DHX35: variants seen among roughly 807,000 people sequenced by gnomAD.
DHX35 encodes the protein probable ATP-dependent RNA helicase DHX35.
DHX35 carries 84 observed loss-of-function variants against 99.6 expected under a neutral mutation model. That is an observed-to-expected ratio of 0.84 (90% CI 0.71 to 1.01). The LOEUF (loss-of-function observed/expected upper bound fraction) is 1.01. Ranked by LOEUF, DHX35 falls within the 50% of genes least tolerant of loss-of-function variation. The probability of loss-of-function intolerance (pLI) is 0.00; values close to 1 mark genes in which losing one functional copy is unlikely to be tolerated. For synonymous variants in DHX35, 331 were observed against 316.2 expected (o/e 1.05, Z -0.50); for missense variants, 852 against 888.5 (o/e 0.96, Z 0.52).
intron 2 of DHX35, among the ~76,000 whole-genome samples, chr20:38,970,037 T>G (rs572450286): frequency 6.6e-6 from 1 of 152,334 alleles, no homozygotes; most frequent in African/African-American, 2.4e-5. Flanking sequence ...TTCTTTCTCC[T>G]GGACGGTGCT....
At chr20:38,972,985 G>A (rs1394696345) in intron 3 of DHX35, among the ~76,000 whole-genome samples, 1 of 152,182 alleles carries the variant, frequency 6.6e-6, no homozygotes, top group Non-Finnish European at 1.5e-5. Context: ...GAATTTTGCT[G>A]TAGTTGTAAA....
intron 12 of DHX35, among the ~76,000 whole-genome samples, chr20:39,006,581 G>T (rs2086622724): frequency 6.6e-6 from 1 of 152,182 alleles, no homozygotes; most frequent in African/African-American, 2.4e-5. Flanking sequence ...CTGCTTATTT[G>T]CTATCCTGTT....
intron 17 of DHX35, among the ~76,000 whole-genome samples, chr20:39,024,314 T>C (rs748418503): frequency 1.2e-4 from 19 of 152,212 alleles, no homozygotes; most frequent in Admixed American, 6.5e-5. Flanking sequence ...CATGAAAAAT[T>C]GTTAATAAAG....
chr20:39,027,335 ATACT>A (rs1409612444), intron 18 of DHX35, among the ~76,000 whole-genome samples: 1 of 152,248 alleles, frequency 6.6e-6, no homozygotes, highest in Non-Finnish European at 1.5e-5. Flanking sequence ...TTAGTGAAAG[ATACT>A]TTCAGCAGTC....
In DHX35 at chr20:39,028,473, G is replaced by A. The variant is rs147737598; in HGVS notation, c.1857G>A (p.Ala619=). Residue 619 remains alanine, a synonymous_variant, in exon 19 of 22, where the codon GCG becomes GCA. Coordinates refer to ENST00000252011, the MANE Select transcript of DHX35 (RefSeq NM_021931.4). ...TCTCCGGCTTCTTCGCCAATGCAGC[G>A]AGGTTTCATTCTACTGGAGCTTATA... The part of the protein sequence containing the change: ...CIVSGFFANA[A]RFHSTGAYRT... 3.5e-5 allele frequency: 57 copies of A among 1,614,108 alleles called. No homozygotes were observed. In the African/African-American group the frequency reaches 6.4e-4, roughly 18 times the overall value.
intron 8 of DHX35, among the ~76,000 whole-genome samples, chr20:39,001,463 T>C (rs1226527248): frequency 2.0e-5 from 3 of 152,242 alleles, no homozygotes; most frequent in Non-Finnish European, 2.9e-5. Context: ...ACTCAGATGC[T>C]ATGCTGAATG....
At position 39,028,444 on chromosome 20, in the gene DHX35, A is replaced by G. The variant is rs141706558; in HGVS notation, c.1828A>G (p.Ile610Val). ...TGACCCGGATCTGGTTCTGAGGTGC[A>G]TTGTCTCCGGCTTCTTCGCCAATGC... ...EGDPDLVLRC[I>V]VSGFFANAAR... The change falls in exon 19 of 22, where the codon ATT becomes GTT. Residue 610 changes from isoleucine to valine, a missense_variant. Transcript: ENST00000252011. 672 of 1,614,040 alleles carry G rather than the reference A, an allele frequency of 4.2e-4. No individual in the cohort carries two copies. Among genetic ancestry groups the G allele is most frequent in the Non-Finnish European group, 5.3e-4 (629 of 1,180,032 alleles).
chr20:38,994,915 A>G (rs780507793), intron 8 of DHX35, 35 bp downstream of exon 8: 11 of 1,597,730 alleles, frequency 6.9e-6, no homozygotes, highest in Non-Finnish European at 8.6e-6. Flanking sequence ...TCCTCTCCTC[A>G]CAAACACTTT....
intron 3 of DHX35, among the ~76,000 whole-genome samples, chr20:38,980,123 GC>G (rs1333183144): frequency 1.3e-5 from 2 of 152,020 alleles, no homozygotes; most frequent in Non-Finnish European, 2.9e-5. Context: ...TCATAAGCAT[GC>G]CATAGAAGTC....
At chr20:38,988,505 C>T (rs544427339) in intron 4 of DHX35, among the ~76,000 whole-genome samples, 1 of 152,262 alleles carries the variant, frequency 6.6e-6, no homozygotes, top group East Asian at 1.9e-4. Flanking sequence ...TGGCGCTTGC[C>T]TGTAATCCCA....
intron 8 of DHX35, among the ~76,000 whole-genome samples, chr20:38,999,912 A>G (rs112615035): frequency 2.6e-5 from 4 of 152,316 alleles, no homozygotes; most frequent in African/African-American, 9.6e-5. Flanking sequence ...GTTATGGCTG[A>G]CATCACTTAT....
intron 2 of DHX35, among the ~76,000 whole-genome samples, chr20:38,971,210 C>T (rs886257090): frequency 7.9e-5 from 12 of 152,142 alleles, no homozygotes; most frequent in Middle Eastern, 3.4e-3. Context: ...AAAAATTAGC[C>T]GGGCGTGGTG....
intron 4 of DHX35, among the ~76,000 whole-genome samples, chr20:38,985,553 G>T (rs963851384): frequency 6.6e-6 from 1 of 152,030 alleles, no homozygotes; most frequent in African/African-American, 2.4e-5. Context: ...CAATTAAGAA[G>T]TTATACAGTT....
At chr20:39,025,538 C>T (rs1213053629) in intron 18 of DHX35, among the ~76,000 whole-genome samples, 179 bp downstream of exon 18, 1 of 152,076 alleles carries the variant, frequency 6.6e-6, no homozygotes, top group Non-Finnish European at 1.5e-5. Context: ...CGTATTTTTT[C>T]CAAGGAGGTC....
At chr20:39,001,974 T>C in intron 9 of DHX35, 132 bp downstream of exon 9, 1 of 772,078 alleles carries the variant, frequency 1.3e-6, no homozygotes, top group Non-Finnish European at 2.2e-6. Flanking sequence ...GTCATTGGTC[T>C]AGAATGTTCT....
At chr20:39,018,538 G>A (rs893652956) in intron 14 of DHX35, among the ~76,000 whole-genome samples, 8 of 151,662 alleles carry the variant, frequency 5.3e-5, no homozygotes, top group African/African-American at 1.7e-4. Context: ...GCTGCAGGGG[G>A]ATTTCCTTAT....
At chr20:38,975,516 A>G (rs1472710189) in intron 3 of DHX35, among the ~76,000 whole-genome samples, 1 of 152,212 alleles carries the variant, frequency 6.6e-6, no homozygotes, top group Non-Finnish European at 1.5e-5. Context: ...TTTATAGGTG[A>G]GGACACTGTA....
intron 13 of DHX35, among the ~76,000 whole-genome samples, chr20:39,013,384 C>T (rs753208798): frequency 1.1e-4 from 16 of 152,072 alleles, no homozygotes; most frequent in Non-Finnish European, 1.9e-4. Flanking sequence ...GTGCAAGAAA[C>T]AATGAAAACA....
At chr20:38,964,470 G>T (rs550246966) in intron 1 of DHX35, among the ~76,000 whole-genome samples, 1 of 151,334 alleles carries the variant, frequency 6.6e-6, no homozygotes, top group African/African-American at 2.4e-5. Context: ...TGGCTCAGCC[G>T]CCCAGGCTGG....
Sources: gnomAD v4.1 joint callset for allele counts (sites outside exome capture counted in the v4.1 genomes callset) on GRCh38, gnomAD v4.1.1 for gene constraint, MANE v1.5 for transcripts, NCBI Gene and HGNC (gene_info 2026-07-23, HGNC 2026-07-21) for gene names.